Variants in BICDL1 observed in about 807,000 individuals in gnomAD.
BICDL1 encodes the protein BICD family-like cargo adapter 1.
BICDL1 carries 20 observed loss-of-function variants against 76.8 expected under a neutral mutation model. The ratio of observed to expected loss-of-function variants is 0.26; its 90% CI spans 0.18 to 0.38. BICDL1 has a LOEUF of 0.38. BICDL1 is among the 10% of genes least tolerant of loss of function. The pLI is 1.00. For synonymous variants in BICDL1, 383 were observed against 337.1 expected (o/e 1.14, Z -1.49); for missense variants, 700 against 798.6 (o/e 0.88, Z 1.49).
At chr12:120,027,559 G>A (rs1418050261) in intron 2 of BICDL1, among the ~76,000 whole-genome samples, 1 of 152,182 alleles carries the variant, frequency 6.6e-6, no homozygotes, top group African/African-American at 2.4e-5. Context: ...CAGAGAGGCT[G>A]TGATTTGCCC....
intron 2 of BICDL1, among the ~76,000 whole-genome samples, chr12:120,009,814 G>A (rs932816497): frequency 1.3e-5 from 2 of 152,182 alleles, no homozygotes; most frequent in African/African-American, 4.8e-5. Context: ...TGTATCCAGT[G>A]AATGAACCAT....
intron 2 of BICDL1, among the ~76,000 whole-genome samples, chr12:120,016,318 T>C (rs1294255765): frequency 6.6e-6 from 1 of 152,220 alleles, no homozygotes; most frequent in Non-Finnish European, 1.5e-5. Context: ...TTTCCAATTT[T>C]CAACTATTAT....
intron 2 of BICDL1, among the ~76,000 whole-genome samples, chr12:120,038,339 A>T (rs1313449952): frequency 6.6e-6 from 1 of 152,180 alleles, no homozygotes; most frequent in Non-Finnish European, 1.5e-5. Context: ...GAAGTAAAGG[A>T]TTTATTTTAT....
chr12:120,054,334 C>T (rs889695087), intron 2 of BICDL1, among the ~76,000 whole-genome samples: 4 of 152,138 alleles, frequency 2.6e-5, no homozygotes, highest in African/African-American at 9.6e-5. Flanking sequence ...CTCAGCCTCC[C>T]AAATTGGTGC....
chr12:120,015,275 C>G (rs139554782), intron 2 of BICDL1, among the ~76,000 whole-genome samples: 1 of 152,334 alleles, frequency 6.6e-6, no homozygotes, highest in African/African-American at 2.4e-5. Context: ...CTAAACAACT[C>G]TTACTGCATT....
In BICDL1 at chr12:120,061,713, T is replaced by C; in HGVS notation, c.649T>C (p.Ser217Pro). 6.2e-7 allele frequency: 1 copy of C among 1,611,702 alleles called. No homozygotes were observed. Among genetic ancestry groups the C allele is most frequent in the South Asian group, 1.1e-5 (1 of 91,048 alleles). ...CTGCAGGTCTCCTCTGTTTCAGGCA[T>C]CAGAAGTTGAGAGACAACTCTCCAT... ...QRLLDQLSRASEVERQLSMQV... is the reference protein window; with the variant it reads ...QRLLDQLSRAPEVERQLSMQV... The change falls in exon 3 of 10, where the codon TCA becomes CCA. Residue 217 changes from serine to proline, a missense_variant. Ser to Pro is a moderately conservative substitution (Grantham distance 74). Around this residue, in one of 3 missense-constraint regions of BICDL1, gnomAD observed 455 missense variants for 548.7 expected, o/e 0.83. Coordinates refer to ENST00000548673, the MANE Select transcript of BICDL1 (RefSeq NM_001367886.1).
intron 6 of BICDL1, among the ~76,000 whole-genome samples, chr12:120,073,406 C>T (rs1873267610): frequency 6.6e-6 from 1 of 152,178 alleles, no homozygotes; most frequent in Non-Finnish European, 1.5e-5. Context: ...GCCCTTTGGT[C>T]CTAGTGGTAG....
At position 120,064,860 on chromosome 12, in the gene BICDL1, G is replaced by A. The variant is rs1411327512; in HGVS notation, c.890G>A (p.Gly297Asp). Residue 297 changes from glycine to aspartate, a missense_variant, in exon 4 of 10, where the codon GGC (glycine) becomes GAC (aspartate). Physicochemically the swap from Gly to Asp is moderately conservative, Grantham distance 94. Coordinates refer to ENST00000548673, the MANE Select transcript of BICDL1 (RefSeq NM_001367886.1). The part of the protein sequence containing the change: ...QDRVLILERQ[G>D]HDKDLQLHQS... ...CGGGTGCTAATCCTGGAGAGGCAGG[G>A]CCATGACAAGGACCTACAGGTACTG... 1.2e-6 allele frequency: 2 copies of A among 1,611,686 alleles called. No individual in the cohort carries two copies. Among genetic ancestry groups the A allele is most frequent in the Admixed American group, 1.7e-5 (1 of 59,620 alleles).
intron 2 of BICDL1, among the ~76,000 whole-genome samples, chr12:120,025,350 G>A (rs962741230): frequency 6.6e-6 from 1 of 151,776 alleles, no homozygotes; most frequent in Non-Finnish European, 1.5e-5. Context: ...GCGCCCGGCC[G>A]ATATTATACT....
At chr12:120,006,268 A>C (rs1459973187) in intron 2 of BICDL1, among the ~76,000 whole-genome samples, 2 of 152,196 alleles carry the variant, frequency 1.3e-5, no homozygotes, top group East Asian at 3.9e-4. Flanking sequence ...TTTGCTTTAT[A>C]ATTATTTGTT....
chr12:120,075,308 G>T (rs778236031), intron 7 of BICDL1, among the ~76,000 whole-genome samples: 1 of 151,902 alleles, frequency 6.6e-6, no homozygotes, highest in Non-Finnish European at 1.5e-5. Flanking sequence ...CTGGCTCAAA[G>T]CTGTTCACGC....
chr12:120,043,241 T>G (rs1346679188), intron 2 of BICDL1, among the ~76,000 whole-genome samples: 2 of 152,222 alleles, frequency 1.3e-5, no homozygotes, highest in African/African-American at 4.8e-5. Flanking sequence ...GGATTTAGTT[T>G]GTTGAATTCA....
rs1951468668 is a variant in BICDL1, at chr12:119,989,608, T to TACTCCGCCACTACCC, written c.-260_-246dup. Among the ~76,000 whole-genome samples, 1 of 149,302 alleles carries TACTCCGCCACTACCC rather than the reference T, an allele frequency of 6.7e-6. No individual in the cohort carries two copies. Among genetic ancestry groups the TACTCCGCCACTACCC allele is most frequent in the East Asian group, 2.0e-4 (1 of 4,978 alleles). ...CCCCAGCCTTCCCGTTCCCACCACC[T>TACTCCGCCACTACCC]ACTCCGCCACTACCCCCACCCCCTC... On this transcript the variant is annotated 5_prime_UTR_variant, in exon 1 of 10. Transcript: ENST00000548673.
chr12:120,049,103 A>G (rs998557458), intron 2 of BICDL1, among the ~76,000 whole-genome samples: 3 of 152,202 alleles, frequency 2.0e-5, no homozygotes, highest in African/African-American at 4.8e-5. Flanking sequence ...AAAATGTAAT[A>G]TGTCCTCTGC....
At chr12:120,064,518 C>G (rs1228244786) in intron 3 of BICDL1, 2 of 326,704 alleles carry the variant, frequency 6.1e-6, no homozygotes, top group Non-Finnish European at 5.5e-6. Context: ...TTCCCCAGAG[C>G]TCAACTCCTA....
chr12:120,064,248 A>G (rs1386069206), intron 3 of BICDL1, among the ~76,000 whole-genome samples: 1 of 152,134 alleles, frequency 6.6e-6, no homozygotes, highest in Non-Finnish European at 1.5e-5. Flanking sequence ...CAGAGGGGCC[A>G]GGAGCGGGGA....
At chr12:119,998,888 C>T in intron 2 of BICDL1, 152 bp downstream of exon 2, 1 of 695,182 alleles carries the variant, frequency 1.4e-6, no homozygotes, top group South Asian at 2.0e-5. Context: ...GACCTCATCT[C>T]TACAAAAGTT....
intron 2 of BICDL1, among the ~76,000 whole-genome samples, chr12:120,057,801 G>A (rs1265101985): frequency 6.8e-6 from 1 of 147,648 alleles, no homozygotes. Flanking sequence ...CCTGCAAAAG[G>A]AGGCCAGCGA....
At chr12:120,006,493 A>G (rs148126864) in intron 2 of BICDL1, among the ~76,000 whole-genome samples, 62 of 152,342 alleles carry the variant, frequency 4.1e-4, no homozygotes, top group Non-Finnish European at 7.9e-4. Flanking sequence ...GGAAATACAT[A>G]AACAGACAAA....
Sources: allele counts gnomAD v4.1 joint callset (sites outside exome capture counted in the v4.1 genomes callset), GRCh38; gene constraint gnomAD v4.1.1; regional missense constraint gnomAD v4.1.1; transcripts MANE v1.5; gene names NCBI Gene and HGNC (gene_info 2026-07-23, HGNC 2026-07-21).